Variants in SCEL observed in about 807,000 individuals in gnomAD.
SCEL encodes the protein sciellin.
In SCEL, 113 loss-of-function variants were observed where a neutral mutation model predicts 117.6. The ratio of observed to expected loss-of-function variants is 0.96; its 90% confidence interval spans 0.83 to 1.12. SCEL has a LOEUF of 1.12. SCEL is among the 50% of genes most tolerant of loss of function. The probability of loss-of-function intolerance (pLI) is 0.00; values close to 1 mark genes in which losing one functional copy is unlikely to be tolerated. For synonymous variants in SCEL, 270 were observed against 256.2 expected, an observed-to-expected ratio of 1.05 and a Z score of -0.51; for missense variants, 785 against 810.8, an observed-to-expected ratio of 0.97 and a Z score of 0.39.
chr13:77,585,847 T>C (rs891047232), intron 9 of SCEL, among the ~76,000 whole-genome samples: 4 of 152,110 alleles, frequency 2.6e-5, no homozygotes, highest in Admixed American at 2.0e-4. Flanking sequence ...GCCTCCCCTC[T>C]GAATGATCTC....
chr13:77,614,041 A>C, intron 24 of SCEL, 86 bp downstream of exon 24: 1 of 1,084,186 alleles, frequency 9.2e-7, no homozygotes, highest in Non-Finnish European at 1.4e-6. Flanking sequence ...TCTATGGGCA[A>C]ATTGAATATA....
rs779109332 is a variant in SCEL, at chr13:77,599,192, C to G, written c.798-137C>G. 19 of 629,108 alleles carry G rather than the reference C, an allele frequency of 3.0e-5. 1 individual carries two copies. The highest frequency in any genetic ancestry group is 2.5e-4 in the Admixed American group (8 of 31,626). The allele number at this position is 629,108 out of a possible 1,614,324, so 39.0% of individuals were successfully genotyped here. A position where few individuals can be genotyped will look rare whatever the true frequency, so the allele number is the denominator to read the frequency against. On this transcript the variant is annotated intron_variant, in intron 13 of 32. Coordinates refer to ENST00000349847, the MANE Select transcript of SCEL (RefSeq NM_144777.3). ...TTAAAATTTGAGTCTATGAATATAC[C>G]TATTTCAAGAATTGTAGCTCATCTT...
intron 4 of SCEL, among the ~76,000 whole-genome samples, chr13:77,562,356 A>G (rs1381922786): frequency 1.3e-5 from 2 of 152,172 alleles, no homozygotes; most frequent in Admixed American, 1.3e-4. Context: ...ACGATGGTGA[A>G]CCACACCATG....
intron 30 of SCEL, among the ~76,000 whole-genome samples, chr13:77,638,424 C>T (rs1020248453): frequency 1.1e-4 from 16 of 152,158 alleles, no homozygotes; most frequent in Non-Finnish European, 1.9e-4. Flanking sequence ...AGATCTTTGA[C>T]TAACTGTATG....
intron 20 of SCEL, 71 bp downstream of exon 20, chr13:77,608,186 G>A (rs2088366386): frequency 1.6e-6 from 2 of 1,242,110 alleles, no homozygotes; most frequent in African/African-American, 1.5e-5. Flanking sequence ...AAGAAGATGT[G>A]TTGAAAAACC....
chr13:77,587,980 A>G (rs1376048206), intron 9 of SCEL, among the ~76,000 whole-genome samples: 5 of 152,136 alleles, frequency 3.3e-5, no homozygotes, highest in African/African-American at 4.8e-5. Context: ...GTCTTGGTTC[A>G]AATTTCACCT....
At chr13:77,538,693 C>T (rs1332895382) in intron 1 of SCEL, among the ~76,000 whole-genome samples, 1 of 152,166 alleles carries the variant, frequency 6.6e-6, no homozygotes, top group South Asian at 2.1e-4. Context: ...TGGTTTACTT[C>T]TAGATACAAG....
chr13:77,583,069 T>C (rs2086355382), intron 9 of SCEL, among the ~76,000 whole-genome samples: 2 of 152,234 alleles, frequency 1.3e-5, no homozygotes, highest in South Asian at 4.1e-4. Flanking sequence ...AACTTAAATT[T>C]AAATTTTATT....
chr13:77,627,731 CT>C (rs1270880772), intron 27 of SCEL, among the ~76,000 whole-genome samples: 2 of 151,934 alleles, frequency 1.3e-5, no homozygotes, highest in African/African-American at 4.8e-5. Context: ...AAAGTTAGTT[CT>C]TTATTTCTCT....
intron 31 of SCEL, among the ~76,000 whole-genome samples, chr13:77,642,451 T>C (rs2090602687): frequency 6.6e-6 from 1 of 152,196 alleles, no homozygotes. Context: ...CATAACTAGC[T>C]CTCCCTTAAG....
chr13:77,591,527 A>G, intron 11 of SCEL, 67 bp downstream of exon 11: 1 of 891,850 alleles, frequency 1.1e-6, no homozygotes, highest in South Asian at 1.6e-5. Context: ...TCAGCACATT[A>G]AAAAATGCAA....
Position 77,634,441 on chromosome 13 carries a change from T to A in SCEL, c.1754T>A (p.Val585Glu). Residue 585 changes from valine to glutamate, a missense_variant, in exon 29 of 33, where the codon GTG becomes GAG. By Grantham distance (121) the Val-to-Glu change is moderately radical. Transcript: ENST00000349847. Reference sequence around the variant, plus strand: ...ACTGTTGTGTACACAAGGACATATGTGGAGAATAGGTATTCAAAATTTATT... The same window carrying A: ...ACTGTTGTGTACACAAGGACATATGAGGAGAATAGGTATTCAAAATTTATT... ...QDTVVYTRTY[V>E]ENSKSPKDGY... 6.2e-7 allele frequency: 1 copy of A among 1,610,936 alleles called. No individual in the cohort carries two copies. Among genetic ancestry groups the A allele is most frequent in the Non-Finnish European group, 8.5e-7 (1 of 1,177,464 alleles).
chr13:77,579,114 A>C (rs534664912), intron 9 of SCEL, among the ~76,000 whole-genome samples: 20 of 152,248 alleles, frequency 1.3e-4, no homozygotes, highest in African/African-American at 4.3e-4. Flanking sequence ...ACCATCTCAA[A>C]CCAACCCATC....
intron 9 of SCEL, among the ~76,000 whole-genome samples, chr13:77,579,906 T>C (rs1292959007): frequency 6.6e-6 from 1 of 152,126 alleles, no homozygotes; most frequent in Non-Finnish European, 1.5e-5. Context: ...GGCGTGTGTA[T>C]GTGAGTGTAT....
At chr13:77,604,181 A>C (rs2087936209) in intron 18 of SCEL, 175 bp from the exon 19 acceptor site, 4 of 444,806 alleles carry the variant, frequency 9.0e-6, no homozygotes, top group Non-Finnish European at 1.6e-5. Flanking sequence ...GCAACATTAA[A>C]TGGTCTTCAG....
intron 27 of SCEL, among the ~76,000 whole-genome samples, chr13:77,619,579 T>C (rs1424071758): frequency 6.6e-6 from 1 of 152,194 alleles, no homozygotes; most frequent in East Asian, 1.9e-4. Flanking sequence ...ATGTATTTAT[T>C]CTGGAGGATT....
intron 9 of SCEL, among the ~76,000 whole-genome samples, chr13:77,579,931 C>G (rs1328023578): frequency 6.6e-6 from 1 of 152,192 alleles, no homozygotes; most frequent in Non-Finnish European, 1.5e-5. Flanking sequence ...ATGCATAGAA[C>G]TATAGGCTTC....
chr13:77,642,753 T>C lies in SCEL; in HGVS notation c.1995T>C (p.Ser665=). The change falls in exon 32 of 33, where the codon AGT becomes AGC. Residue 665 remains serine, a synonymous_variant. Coordinates refer to ENST00000349847, the MANE Select transcript of SCEL (RefSeq NM_144777.3). ...TGGAAAATCTACAAGCGGGTGATAG[T>C]ATTTGGATTTATAGACAGACAATAC... ...QPLENLQAGD[S]IWIYRQTIHC... The C allele has an allele frequency of 6.2e-7, 1 of 1,607,470 alleles. No individual in the cohort carries two copies. Among genetic ancestry groups the C allele is most frequent in the Non-Finnish European group, 8.5e-7 (1 of 1,176,394 alleles).
At chr13:77,599,467 G>T in intron 14 of SCEL, 79 bp downstream of exon 14, 1 of 1,225,648 alleles carries the variant, frequency 8.2e-7, no homozygotes, top group East Asian at 2.4e-5. Flanking sequence ...AGCTGCAAGG[G>T]GGTTGTATCC....
Sources: gnomAD v4.1 joint callset for allele counts (sites outside exome capture counted in the v4.1 genomes callset) on GRCh38, gnomAD v4.1.1 for gene constraint, MANE v1.5 for transcripts, NCBI Gene and HGNC (gene_info 2026-07-23, HGNC 2026-07-21) for gene names.